The following XRCC5 variants were observed in gnomAD, a reference collection of about 807,000 sequenced individuals.
XRCC5 encodes DNA repair protein Ku80.
XRCC5 carries 12 observed loss-of-function variants against 95.7 expected under a neutral mutation model. The observed-to-expected ratio is 0.13, with a 90% CI of 0.08 to 0.20. The LOEUF (loss-of-function observed/expected upper bound fraction) is 0.20. Ranked by LOEUF, XRCC5 falls within the 10% of genes least tolerant of loss-of-function variation. The pLI, the probability that XRCC5 is intolerant of heterozygous loss-of-function variation, is 1.00. For missense variants in XRCC5, 595 were observed against 873.9 expected (o/e 0.68, Z 4.02); for synonymous variants, 281 against 290.3 (o/e 0.97, Z 0.33).
At chr2:216,146,095 A>G (rs1035844087) in intron 13 of XRCC5, among the ~76,000 whole-genome samples, 1 of 152,228 alleles carries the variant, frequency 6.6e-6, no homozygotes, top group African/African-American at 2.4e-5. Context: ...TACATTGAAT[A>G]GGCCTGATGT....
At position 216,176,570 on chromosome 2, in the gene XRCC5, C is replaced by G. The variant is rs186112742; in HGVS notation, c.1835-13655C>G. Among the ~76,000 whole-genome samples the G allele has an allele frequency of 1.5e-3, 235 of 152,004 alleles. 1 individual carries two copies. The highest frequency in any genetic ancestry group is 5.6e-3 in the African/African-American group (232 of 41,456). ...TATAATAATATTTTTGAGATCTGTT[C>G]TTTATTTCTGATTTGGGGATTTTGT... is the stretch of plus-strand genomic sequence containing the variant. On this transcript the variant is annotated intron_variant, in intron 16 of 20. Transcript: ENST00000392132.
chr2:216,194,183 G>A (rs984469009), intron 18 of XRCC5, among the ~76,000 whole-genome samples: 3 of 152,182 alleles, frequency 2.0e-5, no homozygotes, highest in African/African-American at 7.2e-5. Context: ...ATAGGTTCTT[G>A]AAAATTGTGA....
intron 19 of XRCC5, among the ~76,000 whole-genome samples, chr2:216,197,882 C>G (rs1266382669): frequency 6.6e-6 from 1 of 152,132 alleles, no homozygotes; most frequent in Non-Finnish European, 1.5e-5. Context: ...ATTTAGATAA[C>G]ACTTTGACTG....
chr2:216,140,868 A>G (rs1697159774), intron 12 of XRCC5, among the ~76,000 whole-genome samples: 1 of 152,210 alleles, frequency 6.6e-6, no homozygotes, highest in Non-Finnish European at 1.5e-5. Flanking sequence ...ATTTTGTTCC[A>G]GTCTCCTTAT....
intron 14 of XRCC5, 151 bp from the exon 15 acceptor site, chr2:216,159,917 A>G (rs1688917495): frequency 3.7e-6 from 2 of 537,330 alleles, no homozygotes; most frequent in Admixed American, 7.7e-5. Context: ...ACATGTAGCT[A>G]TTGTTTTTCT....
At chr2:216,178,350 C>A (rs1689317223) in intron 16 of XRCC5, among the ~76,000 whole-genome samples, 1 of 152,154 alleles carries the variant, frequency 6.6e-6, no homozygotes. Flanking sequence ...TGTCTCCCTC[C>A]CTTTGAAACT....
intron 16 of XRCC5, among the ~76,000 whole-genome samples, chr2:216,180,900 C>T (rs1365303250): frequency 6.6e-6 from 1 of 151,152 alleles, no homozygotes; most frequent in African/African-American, 2.4e-5. Flanking sequence ...GCAACCTCTA[C>T]TTCCCAGGTT....
intron 14 of XRCC5, among the ~76,000 whole-genome samples, chr2:216,155,889 C>G (rs1396339879): frequency 6.6e-6 from 1 of 151,966 alleles, no homozygotes; most frequent in African/African-American, 2.4e-5. Flanking sequence ...TAAAATACAA[C>G]GAGAAGGGCC....
At chr2:216,132,458 G>A in intron 10 of XRCC5, 71 bp downstream of exon 10, 3 of 1,483,296 alleles carry the variant, frequency 2.0e-6, no homozygotes, top group East Asian at 2.3e-5. Context: ...CAAGTTGTTT[G>A]GGGCTTTTAT....
chr2:216,134,403 C>G (rs1333935012), intron 10 of XRCC5, among the ~76,000 whole-genome samples: 1 of 151,694 alleles, frequency 6.6e-6, no homozygotes, highest in African/African-American at 2.4e-5. Context: ...CATTCACAGC[C>G]CCATCCTTCC....
intron 10 of XRCC5, 98 bp from the exon 11 acceptor site, chr2:216,136,990 A>G (rs1697093052): frequency 7.1e-7 from 1 of 1,414,102 alleles, no homozygotes; most frequent in Non-Finnish European, 9.4e-7. Flanking sequence ...AAAAAATGTA[A>G]AATAGAAAGA....
At position 216,122,272 on chromosome 2, in the gene XRCC5, G is replaced by C. The variant is rs774357951; in HGVS notation, c.683+19G>C. On this transcript the variant is annotated intron_variant, in intron 6 of 20. Transcript: ENST00000392132. ...CATTCAGGTAAGAATTGAAAACATT[G>C]ATGGGAATTTTTAATTGTACCCACG... 6.3e-6 allele frequency: 10 copies of C among 1,581,430 alleles called. No individual in the cohort carries two copies. The Admixed American group carries it at 1.8e-4, about 28-fold the overall frequency.
chr2:216,135,381 A>C (rs778700025), intron 10 of XRCC5, among the ~76,000 whole-genome samples: 1 of 152,206 alleles, frequency 6.6e-6, no homozygotes, highest in Non-Finnish European at 1.5e-5. Flanking sequence ...ACCTGCCCCC[A>C]GTCAGTGATC....
At chr2:216,201,082 G>A (rs1173643557) in intron 19 of XRCC5, among the ~76,000 whole-genome samples, 1 of 152,150 alleles carries the variant, frequency 6.6e-6, no homozygotes, top group African/African-American at 2.4e-5. Flanking sequence ...GTTTTTGAGC[G>A]AAATTAGTTA....
At chr2:216,146,670 A>C (rs1409730958) in intron 13 of XRCC5, among the ~76,000 whole-genome samples, 1 of 152,178 alleles carries the variant, frequency 6.6e-6, no homozygotes, top group Non-Finnish European at 1.5e-5. Flanking sequence ...CTTTTAGAGC[A>C]TTTCCTTTTC....
intron 1 of XRCC5, among the ~76,000 whole-genome samples, chr2:216,110,958 G>A (rs906105300): frequency 6.6e-6 from 1 of 151,840 alleles, no homozygotes; most frequent in African/African-American, 2.4e-5. Flanking sequence ...TTGTAAACTA[G>A]TGAAAAATAA....
At chr2:216,150,370 G>T (rs1480187395) in intron 14 of XRCC5, among the ~76,000 whole-genome samples, 4 of 152,120 alleles carry the variant, frequency 2.6e-5, no homozygotes, top group Non-Finnish European at 5.9e-5. Flanking sequence ...AATGAACAAA[G>T]ATATTAAAGC....
chr2:216,197,630 C>T (rs769395842), intron 19 of XRCC5, among the ~76,000 whole-genome samples: 4 of 152,086 alleles, frequency 2.6e-5, no homozygotes, highest in Non-Finnish European at 5.9e-5. Flanking sequence ...GAGTGTGCTT[C>T]CAGTACTACC....
intron 16 of XRCC5, chr2:216,175,309 T>G: frequency 2.2e-6 from 1 of 453,626 alleles, no homozygotes; most frequent in Non-Finnish European, 4.3e-6. Context: ...AGCCTCCTCT[T>G]CCACCAAAGT....
Sources: allele counts gnomAD v4.1 joint callset (sites outside exome capture counted in the v4.1 genomes callset), GRCh38; gene constraint gnomAD v4.1.1; transcripts MANE v1.5; gene names NCBI Gene and HGNC (gene_info 2026-07-23, HGNC 2026-07-21).